DNMT1: variants seen among roughly 807,000 people sequenced by gnomAD.
DNMT1 encodes DNA (cytosine-5)-methyltransferase 1.
DNMT1 carries 24 observed loss-of-function variants against 205.3 expected under a neutral mutation model. The observed-to-expected ratio is 0.12, with a 90% confidence interval of 0.08 to 0.16. DNMT1 has a LOEUF of 0.16. DNMT1 is among the 10% of genes least tolerant of loss of function. The pLI is 1.00. For missense variants in DNMT1, 1,293 were observed against 2,177.7 expected (o/e 0.59, Z 8.09); for synonymous variants, 817 against 839.8 (o/e 0.97, Z 0.47).
chr19:10,153,552 G>C (rs549362854), intron 22 of DNMT1, among the ~76,000 whole-genome samples: 7 of 151,888 alleles, frequency 4.6e-5, no homozygotes, highest in African/African-American at 1.4e-4. Context: ...TGGGAGAACT[G>C]ATTGAACCCG....
intron 1 of DNMT1, among the ~76,000 whole-genome samples, chr19:10,183,113 A>G (rs1026690802): frequency 5.1e-4 from 65 of 127,582 alleles, no homozygotes; most frequent in African/African-American, 7.2e-4. Flanking sequence ...ATACGTGTGT[A>G]TATATATATA....
chr19:10,179,056 G>A (rs1299350426), intron 5 of DNMT1, among the ~76,000 whole-genome samples: 3 of 150,242 alleles, frequency 2.0e-5, no homozygotes, highest in Admixed American at 1.3e-4. Flanking sequence ...ATGAACCTGG[G>A]AGGCAGAGCT....
chr19:10,142,127 C>T lies in DNMT1; in HGVS notation c.3210G>A (p.Lys1070=), dbSNP rs144874878. The T allele has an allele frequency of 5.3e-5, 85 of 1,613,924 alleles. No homozygotes were observed. The highest frequency in any genetic ancestry group is 6.9e-5 in the Non-Finnish European group (82 of 1,180,044). Residue 1070 remains lysine (K), a synonymous_variant, in exon 30 of 41, where the codon AAG becomes AAA. Coordinates refer to ENST00000359526, the MANE Select transcript of DNMT1 (RefSeq NM_001130823.3). The part of the protein sequence containing the change: ...WSDEEAVVDF[K]AVQGRCTVEY... ...CCACGGTGCAGCGGCCCTGCACAGC[C>T]TTGAAGTCCACCACGGCCTCCTCGT...
rs2089526808 is a variant in DNMT1, at chr19:10,138,019, A to G, written c.4116-10T>C. 1.9e-6 allele frequency: 3 copies of G among 1,608,424 alleles called. No individual in the cohort carries two copies. The highest frequency in any genetic ancestry group is 2.5e-6 in the Non-Finnish European group (3 of 1,177,738). ...AGGACCCGAGCTCAACCTGCAACAG[A>G]GGAGGAGGTCAACACCTCTGGAGAT... On this transcript the variant is annotated splice_polypyrimidine_tract_variant and intron_variant, in intron 35 of 40. Coordinates refer to ENST00000359526, the MANE Select transcript of DNMT1 (RefSeq NM_001130823.3). This position sits in a 1 kb window ranked among gnomAD's most constrained non-coding sequence, Gnocchi z 4.1.
chr19:10,177,465 AG>A, intron 5 of DNMT1, 98 bp from the exon 6 acceptor site: 2 of 1,180,674 alleles, frequency 1.7e-6, no homozygotes, highest in South Asian at 2.8e-5. Context: ...AAGCTATTGC[AG>A]GAAGCCAGGT....
intron 39 of DNMT1, among the ~76,000 whole-genome samples, chr19:10,134,911 T>C (rs2089444233): frequency 6.8e-6 from 1 of 146,882 alleles, no homozygotes; most frequent in South Asian, 2.2e-4. Context: ...TCGCTCCCAG[T>C]TAAGAGTGGC....
At chr19:10,190,406 C>T (rs970147522) in intron 1 of DNMT1, among the ~76,000 whole-genome samples, 61 of 151,974 alleles carry the variant, frequency 4.0e-4, no homozygotes, top group African/African-American at 1.2e-3. Flanking sequence ...CGGGATACAC[C>T]GACAAAATTC....
rs183300496 is a variant in DNMT1, at chr19:10,135,718, G to A, written c.4773+18C>T. On this transcript the variant is annotated intron_variant, in intron 39 of 40. Coordinates refer to ENST00000359526, the MANE Select transcript of DNMT1 (RefSeq NM_001130823.3). ...AGCCTCCTTCCTGTCCAGACCCAGC[G>A]GGCGCCGCCCCACTGACCTGCCGGT... is the stretch of plus-strand genomic sequence containing the variant. The A allele has an allele frequency of 4.2e-4, 670 of 1,604,096 alleles. 5 individuals are homozygous for A. In the African/African-American group the frequency reaches 7.7e-3, roughly 19 times the overall value.
At chr19:10,148,489 C>T (rs556126604) in intron 27 of DNMT1, among the ~76,000 whole-genome samples, 64 of 147,544 alleles carry the variant, frequency 4.3e-4, no homozygotes, top group African/African-American at 1.6e-3. Flanking sequence ...GAGCGAGACT[C>T]CGTCTCAAAA....
At chr19:10,160,554 C>G in intron 13 of DNMT1, 136 bp from the exon 14 acceptor site, 1 of 880,364 alleles carries the variant, frequency 1.1e-6, no homozygotes, top group South Asian at 1.4e-5. Context: ...AGAGGGCCAG[C>G]AGGTGAGCTC....
At chr19:10,191,537 T>G (rs2039305017) in intron 1 of DNMT1, among the ~76,000 whole-genome samples, 1 of 152,068 alleles carries the variant, frequency 6.6e-6, no homozygotes, top group Non-Finnish European at 1.5e-5. Flanking sequence ...CTAATGGTAT[T>G]CCAATTCAGC....
chr19:10,176,494 A>G (rs2038941637), intron 6 of DNMT1, among the ~76,000 whole-genome samples: 1 of 152,216 alleles, frequency 6.6e-6, no homozygotes, highest in Non-Finnish European at 1.5e-5. Flanking sequence ...TACCAACTAT[A>G]TATCTGATAG....
At chr19:10,145,605 G>C (rs1185710428) in intron 28 of DNMT1, among the ~76,000 whole-genome samples, 2 of 152,220 alleles carry the variant, frequency 1.3e-5, no homozygotes, top group African/African-American at 4.8e-5. Context: ...GTCATCTGAT[G>C]TGATTCCCTC....
chr19:10,158,357 G>A (rs1378279839), intron 17 of DNMT1, among the ~76,000 whole-genome samples: 1 of 152,064 alleles, frequency 6.6e-6, no homozygotes, highest in Non-Finnish European at 1.5e-5. Context: ...AGAAGGAGAG[G>A]GAGGGGAACA....
At chr19:10,141,320 A>G (rs1156447314) in intron 30 of DNMT1, 131 bp from the exon 31 acceptor site, 4 of 855,074 alleles carry the variant, frequency 4.7e-6, no homozygotes, top group Non-Finnish European at 7.8e-6. Context: ...TTAGCCACCA[A>G]TAAGAGTAGT....
chr19:10,162,542 T>A, intron 13 of DNMT1, 125 bp downstream of exon 13: 1 of 985,930 alleles, frequency 1.0e-6, no homozygotes, highest in South Asian at 1.5e-5. Flanking sequence ...AGTGCTGGGA[T>A]TACAGGCGTG....
intron 1 of DNMT1, among the ~76,000 whole-genome samples, chr19:10,192,195 A>T (rs1250113531): frequency 1.3e-5 from 2 of 151,778 alleles, no homozygotes; most frequent in African/African-American, 4.8e-5. Flanking sequence ...CTAAGGCAGG[A>T]GGATTGCTTG....
At position 10,174,979 on chromosome 19, in the gene DNMT1, C is replaced by T. The variant is rs1203219758; in HGVS notation, c.648+561G>A. Among the ~76,000 whole-genome samples, 13 of 150,588 alleles carry T rather than the reference C, an allele frequency of 8.6e-5. No individual in the cohort carries two copies. The East Asian group carries it at 1.9e-3, about 23-fold the overall frequency. ...CTGAAGCAGGAGAATCACTTGAACCCGGGAGGCTGAGGTTGCAATGAACCA... is the reference window on the plus strand; with the variant it reads ...CTGAAGCAGGAGAATCACTTGAACCTGGGAGGCTGAGGTTGCAATGAACCA... On this transcript the variant is annotated intron_variant, in intron 7 of 40. Coordinates refer to ENST00000359526, the MANE Select transcript of DNMT1 (RefSeq NM_001130823.3).
chr19:10,192,085 A>C (rs2039314446), intron 1 of DNMT1, among the ~76,000 whole-genome samples: 1 of 151,676 alleles, frequency 6.6e-6, no homozygotes, highest in Admixed American at 6.6e-5. Flanking sequence ...CAGCCTCCCA[A>C]AGTGCTGGGA....
Sources: gnomAD v4.1 joint callset for allele counts (sites outside exome capture counted in the v4.1 genomes callset) on GRCh38, gnomAD v4.1.1 for gene constraint, Gnocchi (gnomAD v3.1) non-coding constraint, MANE v1.5 for transcripts, NCBI Gene and HGNC (gene_info 2026-07-23, HGNC 2026-07-21) for gene names.